Variants in NTM observed in about 807,000 individuals in gnomAD.
NTM encodes IgLON family member 2.
A neutral mutation model predicts 42.1 loss-of-function variants in NTM; 13 were observed. The observed-to-expected ratio is 0.31, with a 90% CI of 0.20 to 0.49. The LOEUF is 0.49. Ranked by LOEUF, NTM falls within the 20% of genes least tolerant of loss-of-function variation. NTM has a pLI of 0.99. For synonymous variants in NTM, 187 were observed against 179.2 expected, an observed-to-expected ratio of 1.04 and a Z score of -0.35; for missense variants, 373 against 452.8, an observed-to-expected ratio of 0.82 and a Z score of 1.60.
chr11:131,597,688 C>T (rs572390916), intron 1 of NTM, among the ~76,000 whole-genome samples: 99 of 152,276 alleles, frequency 6.5e-4, no homozygotes, highest in Non-Finnish European at 1.2e-3. Context: ...TTCAGGTGCC[C>T]CAGAGTGAGG....
At chr11:131,948,384 A>AACAACAAAAAAAAG (rs2060599209) in intron 2 of NTM, among the ~76,000 whole-genome samples, 1 of 147,518 alleles carries the variant, frequency 6.8e-6, no homozygotes, top group African/African-American at 2.6e-5. Context: ...AAAAAAACAA[A>AACAACAAAAAAAAG]AAAACAAAAA....
At chr11:131,739,314 A>G (rs539287957) in intron 1 of NTM, among the ~76,000 whole-genome samples, 1 of 152,290 alleles carries the variant, frequency 6.6e-6, no homozygotes, top group African/African-American at 2.4e-5. Flanking sequence ...TTAAGGTTCA[A>G]ATTTCAACTT....
intron 1 of NTM, among the ~76,000 whole-genome samples, chr11:131,739,280 A>T (rs1053969081): frequency 5.3e-5 from 8 of 152,192 alleles, no homozygotes; most frequent in Non-Finnish European, 1.2e-4. Flanking sequence ...AAACAAAAGA[A>T]GATGGGTTTT....
chr11:132,077,935 G>T (rs1026881416), intron 2 of NTM, among the ~76,000 whole-genome samples: 5 of 152,032 alleles, frequency 3.3e-5, no homozygotes, highest in Non-Finnish European at 5.9e-5. Context: ...CATAATATAC[G>T]TATATTTATT....
intron 1 of NTM, among the ~76,000 whole-genome samples, chr11:131,672,538 C>T (rs2070517663): frequency 6.6e-6 from 1 of 152,214 alleles, no homozygotes; most frequent in African/African-American, 2.4e-5. Flanking sequence ...TTCGGCCTGG[C>T]CTCTTCCTAT....
At chr11:131,931,722 T>C (rs1172697394) in intron 2 of NTM, among the ~76,000 whole-genome samples, 1 of 151,972 alleles carries the variant, frequency 6.6e-6, no homozygotes, top group Non-Finnish European at 1.5e-5. Flanking sequence ...CCACTGCTGG[T>C]CTAGAAGGCC....
chr11:131,599,200 C>A (rs1416972256), intron 1 of NTM, among the ~76,000 whole-genome samples: 11 of 152,154 alleles, frequency 7.2e-5, no homozygotes, highest in Admixed American at 7.2e-4. Flanking sequence ...CAGGCTTGAG[C>A]CACCGCACCT....
chr11:132,316,707 T>C (rs949330413), intron 7 of NTM, among the ~76,000 whole-genome samples: 6 of 152,186 alleles, frequency 3.9e-5, no homozygotes, highest in African/African-American at 7.2e-5. Context: ...CTAGCAATGC[T>C]GCCTGGGTAA....
At chr11:131,691,698 C>A (rs183357085) in intron 1 of NTM, among the ~76,000 whole-genome samples, 35 of 152,312 alleles carry the variant, frequency 2.3e-4, no homozygotes, top group Non-Finnish European at 4.7e-4. Flanking sequence ...CCCGCTCGGC[C>A]CCGCCAGGTG....
At chr11:132,138,610 CTATCTATCTATT>C (rs1281968615) in intron 2 of NTM, among the ~76,000 whole-genome samples, 17 of 80,580 alleles carry the variant, frequency 2.1e-4, no homozygotes, top group Non-Finnish European at 1.2e-4. Flanking sequence ...ATCTATCTAT[CTATCTATCTATT>C]CTAATCTATC....
chr11:131,712,388 T>C (rs1254272632), intron 1 of NTM, among the ~76,000 whole-genome samples: 1 of 152,064 alleles, frequency 6.6e-6, no homozygotes, highest in African/African-American at 2.4e-5. Flanking sequence ...CGGAAACTTC[T>C]GTGTATATAT....
chr11:131,882,410 G>A (rs752056732), intron 1 of NTM, among the ~76,000 whole-genome samples: 1 of 152,168 alleles, frequency 6.6e-6, no homozygotes, highest in African/African-American at 2.4e-5. Flanking sequence ...CCCCTGTTAT[G>A]GAGAGTAATC....
At chr11:131,839,816 G>C (rs1466602962) in intron 1 of NTM, among the ~76,000 whole-genome samples, 1 of 152,270 alleles carries the variant, frequency 6.6e-6, no homozygotes, top group Non-Finnish European at 1.5e-5. Flanking sequence ...GTCTGACCCA[G>C]ATCTGTGGCC....
At chr11:131,940,887 G>A (rs992336133) in intron 2 of NTM, among the ~76,000 whole-genome samples, 1 of 152,210 alleles carries the variant, frequency 6.6e-6, no homozygotes, top group Non-Finnish European at 1.5e-5. Context: ...TGACAACATA[G>A]TTTATGAGCT....
At chr11:131,947,830 C>G (rs1172213786) in intron 2 of NTM, among the ~76,000 whole-genome samples, 1 of 152,062 alleles carries the variant, frequency 6.6e-6, no homozygotes, top group East Asian at 1.9e-4. Flanking sequence ...TTACTTAAGC[C>G]TGAATGTTTC....
intron 1 of NTM, chr11:131,538,289 G>A (rs986835184): frequency 1.3e-5 from 2 of 152,278 alleles, no homozygotes; most frequent in East Asian, 1.9e-4. Context: ...CATTTTACAC[G>A]CGAGAAAATC....
In NTM at chr11:132,335,145, G is replaced by C; in HGVS notation, c.1067G>C (p.Ter356SerextTer47). The C allele has an allele frequency of 6.2e-7, 1 of 1,612,152 alleles. No homozygotes were observed. The highest frequency in any genetic ancestry group is 8.5e-7 in the Non-Finnish European group (1 of 1,179,960). ...LLVLHLLLKF[*>S] ...GTCTTGCACCTGCTTCTCAAATTTT[G>C]ATGTGAGTGCCACTTCCCCACCCGG... Residue 356 changes from the stop codon to serine (S), a stop_lost, in exon 9 of 9, where the codon TGA (stop) becomes TCA (serine). Transcript: ENST00000683400.
chr11:131,459,109 G>T (rs1043700752), intron 1 of NTM, among the ~76,000 whole-genome samples: 3 of 152,212 alleles, frequency 2.0e-5, no homozygotes, highest in Non-Finnish European at 4.4e-5. Context: ...TGCCTTCATG[G>T]ATCTGTGCAT....
intron 1 of NTM, among the ~76,000 whole-genome samples, chr11:131,755,235 G>A (rs1348545637): frequency 6.6e-6 from 1 of 152,132 alleles, no homozygotes; most frequent in Non-Finnish European, 1.5e-5. Flanking sequence ...AACACAGCAT[G>A]GCACACAAGT....
Sources: gnomAD v4.1 joint callset for allele counts (sites outside exome capture counted in the v4.1 genomes callset) on GRCh38, gnomAD v4.1.1 for gene constraint, MANE v1.5 for transcripts, NCBI Gene and HGNC (gene_info 2026-07-23, HGNC 2026-07-21) for gene names.